TMEM135: variants seen among roughly 807,000 people sequenced by gnomAD.
TMEM135 encodes the protein peroxisomal membrane protein 52.
A neutral mutation model predicts 60.3 loss-of-function variants in TMEM135; 30 were observed. The observed-to-expected ratio is 0.50, with a 90% CI of 0.37 to 0.68. TMEM135 has a LOEUF of 0.68. Ranked by LOEUF, TMEM135 falls within the 30% of genes least tolerant of loss-of-function variation. TMEM135 has a pLI of 0.00. For missense variants in TMEM135, 468 were observed against 548.8 expected, an observed-to-expected ratio of 0.85 and a Z score of 1.47; for synonymous variants, 190 against 186.7, an observed-to-expected ratio of 1.02 and a Z score of -0.14.
At chr11:87,245,619 CT>C (rs1439466049) in intron 6 of TMEM135, among the ~76,000 whole-genome samples, 3 of 138,594 alleles carry the variant, frequency 2.2e-5, no homozygotes, top group Non-Finnish European at 1.6e-5. Flanking sequence ...CCTTCTTTGT[CT>C]CTTTTGATTT....
chr11:87,256,900 C>G (rs780879273), intron 6 of TMEM135, among the ~76,000 whole-genome samples: 9 of 151,946 alleles, frequency 5.9e-5, no homozygotes, highest in Non-Finnish European at 1.2e-4. Context: ...CTTCTTTCCT[C>G]TCTCCTTCCA....
At chr11:87,303,829 C>T (rs1407739780) in intron 8 of TMEM135, among the ~76,000 whole-genome samples, 1 of 152,096 alleles carries the variant, frequency 6.6e-6, no homozygotes, top group African/African-American at 2.4e-5. Flanking sequence ...CAACAGTAAT[C>T]AGAGGGGAAT....
chr11:87,044,049 G>T (rs969834338), intron 1 of TMEM135, among the ~76,000 whole-genome samples: 2 of 152,038 alleles, frequency 1.3e-5, no homozygotes, highest in Admixed American at 6.6e-5. Flanking sequence ...TTTAAAACCT[G>T]TTTTTTCACT....
intron 1 of TMEM135, among the ~76,000 whole-genome samples, chr11:87,042,738 T>A (rs1439106935): frequency 6.6e-6 from 1 of 152,162 alleles, no homozygotes; most frequent in African/African-American, 2.4e-5. Flanking sequence ...CTAAACTGAT[T>A]TCTTCATGTC....
intron 1 of TMEM135, among the ~76,000 whole-genome samples, chr11:87,045,925 T>C (rs940833725): frequency 3.3e-5 from 5 of 152,220 alleles, no homozygotes; most frequent in Non-Finnish European, 7.3e-5. Flanking sequence ...GGGTGCTGTT[T>C]GTGGCAGCTG....
rs757844242 is a variant in TMEM135 at position 87,038,050 on chromosome 11, C to T, written c.5C>T (p.Ala2Val). 1.2e-6 allele frequency: 2 copies of T among 1,614,030 alleles called. No individual in the cohort carries two copies. Among genetic ancestry groups the T allele is most frequent in the Non-Finnish European group, 1.7e-6 (2 of 1,180,016 alleles). The change falls in exon 1 of 15, where the codon GCG (alanine) becomes GTG (valine). Residue 2 changes from alanine to valine, a missense_variant. Transcript: ENST00000305494. The part of the protein sequence containing the change: M[A>V]ALSKSIPHNC... ...TTCTCCGCGCTGTTCCTCGTCATGGCGGCCCTCAGCAAGTCCATCCCTCAT... is the reference window on the plus strand; with the variant it reads ...TTCTCCGCGCTGTTCCTCGTCATGGTGGCCCTCAGCAAGTCCATCCCTCAT...
At chr11:87,049,835 C>T (rs1949825914) in intron 1 of TMEM135, among the ~76,000 whole-genome samples, 1 of 111,516 alleles carries the variant, frequency 9.0e-6, no homozygotes, top group Non-Finnish European at 1.8e-5. Flanking sequence ...ATCTGCAGAA[C>T]TCTCCACCCC....
chr11:87,278,910 A>G (rs928787523), intron 6 of TMEM135, among the ~76,000 whole-genome samples: 1 of 152,076 alleles, frequency 6.6e-6, no homozygotes, highest in Non-Finnish European at 1.5e-5. Flanking sequence ...ACTTTAGATT[A>G]TGAAACTTTT....
At chr11:87,253,033 TA>T (rs141736806) in intron 6 of TMEM135, among the ~76,000 whole-genome samples, 5,819 of 152,194 alleles carry the variant, frequency 0.038, 354 homozygotes, top group African/African-American at 0.13. Context: ...CATAGGTTCA[TA>T]AATGCTGTGA....
chr11:87,245,437 T>C (rs1216081379), intron 6 of TMEM135, among the ~76,000 whole-genome samples: 15 of 106,814 alleles, frequency 1.4e-4, no homozygotes, highest in African/African-American at 5.5e-4. Context: ...ATCTGTCTAA[T>C]GTTGACAGTG....
intron 4 of TMEM135, among the ~76,000 whole-genome samples, chr11:87,102,468 C>G (rs568169437): frequency 5.3e-5 from 8 of 152,050 alleles, no homozygotes; most frequent in African/African-American, 1.9e-4. Context: ...CTATCATATT[C>G]CTGCATGTGG....
chr11:87,263,358 A>G (rs992509536), intron 6 of TMEM135, among the ~76,000 whole-genome samples: 4 of 152,194 alleles, frequency 2.6e-5, no homozygotes, highest in Admixed American at 1.3e-4. Context: ...CTGCAATATC[A>G]TCATCACTGT....
chr11:87,040,700 A>T (rs545190287), intron 1 of TMEM135, among the ~76,000 whole-genome samples: 1 of 152,110 alleles, frequency 6.6e-6, no homozygotes, highest in African/African-American at 2.4e-5. Flanking sequence ...CAGGATTTGA[A>T]TCTCAGCTCT....
intron 6 of TMEM135, among the ~76,000 whole-genome samples, chr11:87,244,825 A>G (rs1941223425): frequency 7.0e-6 from 1 of 142,948 alleles, no homozygotes; most frequent in African/African-American, 2.6e-5. Context: ...TAATTTTTTG[A>G]AGGGTTTTTT....
At chr11:87,238,873 G>C (rs553212090) in intron 6 of TMEM135, among the ~76,000 whole-genome samples, 1 of 151,912 alleles carries the variant, frequency 6.6e-6, no homozygotes, top group Non-Finnish European at 1.5e-5. Context: ...TTTCTTTTTC[G>C]TGAAAATTCC....
At position 87,309,673 on chromosome 11, in the gene TMEM135, G is replaced by A; in HGVS notation, c.936+1G>A. The stretch of plus-strand genomic sequence containing the variant: ...TGGCTCTTTTGTTAGTATATACAAG[G>A]TAAGGCTTTTAGAAGAGGAAAGAAA... On this transcript the variant is annotated splice_donor_variant, in intron 10 of 14. Transcript: ENST00000305494. LOFTEE classifies it high-confidence loss of function. 1.2e-6 allele frequency: 2 copies of A among 1,613,056 alleles called. No homozygotes were observed. The highest frequency in any genetic ancestry group is 1.7e-6 in the Non-Finnish European group (2 of 1,179,504).
intron 4 of TMEM135, chr11:87,096,481 T>G (rs1857333319): frequency 6.6e-6 from 1 of 151,140 alleles, no homozygotes; most frequent in Non-Finnish European, 1.5e-5. Flanking sequence ...ACAGAGAAAA[T>G]AAAAAAGATA....
chr11:87,188,357 C>G (rs1056442580), intron 5 of TMEM135, among the ~76,000 whole-genome samples: 4 of 152,128 alleles, frequency 2.6e-5, no homozygotes, highest in Admixed American at 2.6e-4. Context: ...TTTATTCACC[C>G]TCTTTTTACC....
intron 4 of TMEM135, among the ~76,000 whole-genome samples, chr11:87,130,134 T>A (rs2135230478): frequency 6.7e-6 from 1 of 149,942 alleles, no homozygotes; most frequent in Non-Finnish European, 1.5e-5. Context: ...AAAAAAAAAA[T>A]TATAAGGAGT....
Sources: allele counts gnomAD v4.1 joint callset (sites outside exome capture counted in the v4.1 genomes callset), GRCh38; gene constraint gnomAD v4.1.1; transcripts MANE v1.5; gene names NCBI Gene and HGNC (gene_info 2026-07-23, HGNC 2026-07-21).